The following RALGPS2 variants were observed in gnomAD, a reference collection of about 807,000 sequenced individuals.
RALGPS2 encodes ras-specific guanine nucleotide-releasing factor RalGPS2.
In RALGPS2, 43 loss-of-function variants were observed where a neutral mutation model predicts 86.8. That is an observed-to-expected ratio of 0.50 (90% CI 0.39 to 0.64). The LOEUF (loss-of-function observed/expected upper bound fraction) is 0.64. RALGPS2 is among the 30% of genes least tolerant of loss of function. RALGPS2 has a pLI of 0.00. For synonymous variants in RALGPS2, 243 were observed against 231.3 expected, an observed-to-expected ratio of 1.05 and a Z score of -0.46; for missense variants, 536 against 694.6, an observed-to-expected ratio of 0.77 and a Z score of 2.57.
In RALGPS2 at chr1:178,725,330, G is replaced by T; in HGVS notation, c.-173G>T. 1.2e-5 allele frequency: 2 copies of T among 162,358 alleles called. No homozygotes were observed. The highest frequency in any genetic ancestry group is 3.0e-4 in the South Asian group (2 of 6,608). 10.1% of individuals were successfully genotyped at this position (162,358 alleles called of 1,614,324 possible). On this transcript the variant is annotated 5_prime_UTR_variant, in exon 1 of 20. Transcript: ENST00000367635. ...AGACGGTGACTGTTCGGGTCGACGA[G>T]TGCTACTCTAGGCGGCGGCGGCCGT...
intron 4 of RALGPS2, among the ~76,000 whole-genome samples, chr1:178,798,645 TA>T (rs1254369128): frequency 6.6e-6 from 1 of 151,870 alleles, no homozygotes; most frequent in Non-Finnish European, 1.5e-5. Flanking sequence ...GTTTTTTTTT[TA>T]AAAAGGAAAT....
chr1:178,855,672 C>A (rs911324204), intron 8 of RALGPS2, among the ~76,000 whole-genome samples: 1 of 151,628 alleles, frequency 6.6e-6, no homozygotes, highest in African/African-American at 2.4e-5. Flanking sequence ...TCTTTGCATT[C>A]GTTATAAACA....
rs73039849 is a variant in RALGPS2, at chr1:178,860,545, A to G, written c.608-16953A>G. ...GCCATCACCACCATCCTTCTCCAGAACTCTTCATCTTGCAAAACTGTAACT... is the reference window on the plus strand; with the variant it reads ...GCCATCACCACCATCCTTCTCCAGAGCTCTTCATCTTGCAAAACTGTAACT... On this transcript the variant is annotated intron_variant, in intron 8 of 19. Coordinates refer to ENST00000367635, the MANE Select transcript of RALGPS2 (RefSeq NM_152663.5). Among the ~76,000 whole-genome samples the G allele has an allele frequency of 9.9e-3, 1,503 of 152,168 alleles. 23 individuals are homozygous for G. The highest frequency in any genetic ancestry group is 0.035 in the African/African-American group (1,433 of 41,500).
chr1:178,904,965 A>G (rs1047251639), intron 18 of RALGPS2, among the ~76,000 whole-genome samples: 2 of 152,116 alleles, frequency 1.3e-5, no homozygotes, highest in African/African-American at 4.8e-5. Context: ...CCCAATATTG[A>G]TTCTACCCAT....
In RALGPS2 at chr1:178,877,555, T is replaced by C; in HGVS notation, c.665T>C (p.Ile222Thr). Residue 222 changes from isoleucine (I) to threonine (T), a missense_variant, in exon 9 of 20, where the codon ATT becomes ACT. This residue lies in a region of RALGPS2 where 184 missense variants were observed against 296.7 expected (regional missense o/e 0.62). Coordinates refer to ENST00000367635, the MANE Select transcript of RALGPS2 (RefSeq NM_152663.5). ...TCAGCATACCCATCAACTGGCAGCATTCTAGAAAATGAGCAAAGATCAAAT... is the reference window on the plus strand; with the variant it reads ...TCAGCATACCCATCAACTGGCAGCACTCTAGAAAATGAGCAAAGATCAAAT... Reference protein sequence around the residue: ...IDSAYPSTGSILENEQRSNLM... With the variant: ...IDSAYPSTGSTLENEQRSNLM... 6.2e-7 allele frequency: 1 copy of C among 1,613,604 alleles called. No homozygotes were observed. The highest frequency in any genetic ancestry group is 8.5e-7 in the Non-Finnish European group (1 of 1,179,630).
At chr1:178,907,965 G>C (rs1293579086) in intron 19 of RALGPS2, among the ~76,000 whole-genome samples, 1 of 152,040 alleles carries the variant, frequency 6.6e-6, no homozygotes, top group African/African-American at 2.4e-5. Context: ...GGGTTCAGAG[G>C]GTACTTGTGC....
Position 178,833,523 on chromosome 1 carries a change from A to C in RALGPS2, c.580A>C (p.Lys194Gln). Residue 194 changes from lysine to glutamine, a missense_variant, in exon 8 of 20, where the codon AAG (lysine) becomes CAG (glutamine). By Grantham distance (53) the Lys-to-Gln change is moderately conservative. Transcript: ENST00000367635. ...ACTCAGAGACTATATAAGTAGCTTA[A>C]AGATGACACCTTGCATTCCCTATTT... The part of the protein sequence containing the change: ...KRLRDYISSL[K>Q]MTPCIPYLGI... 1 of 1,531,336 alleles carries C rather than the reference A, an allele frequency of 6.5e-7. No individual in the cohort carries two copies. The highest frequency in any genetic ancestry group is 2.6e-5 in the East Asian group (1 of 38,290). The allele number at this position is 1,531,336 out of a possible 1,614,324, so 94.9% of individuals were successfully genotyped here.
At chr1:178,727,791 G>A (rs1650111262) in intron 1 of RALGPS2, among the ~76,000 whole-genome samples, 1 of 152,136 alleles carries the variant, frequency 6.6e-6, no homozygotes, top group Non-Finnish European at 1.5e-5. Context: ...CTTGGTGCCA[G>A]TTAGTTCCCT....
intron 1 of RALGPS2, among the ~76,000 whole-genome samples, chr1:178,760,979 CTTT>C (rs200598214): frequency 7.2e-6 from 1 of 138,078 alleles, no homozygotes; most frequent in Admixed American, 7.3e-5. Flanking sequence ...AGACTTTATT[CTTT>C]TTTTTTTTTT....
intron 1 of RALGPS2, among the ~76,000 whole-genome samples, chr1:178,775,833 A>G (rs1291402042): frequency 6.6e-6 from 1 of 152,022 alleles, no homozygotes; most frequent in Non-Finnish European, 1.5e-5. Context: ...ACAAATAAAC[A>G]TAGTGTATAT....
At chr1:178,830,855 A>C (rs1359139618) in intron 7 of RALGPS2, among the ~76,000 whole-genome samples, 3 of 152,178 alleles carry the variant, frequency 2.0e-5, no homozygotes, top group Non-Finnish European at 4.4e-5. Flanking sequence ...TCCAACTAGA[A>C]TGTGTCCAAC....
intron 8 of RALGPS2, chr1:178,853,200 G>C: frequency 1.0e-6 from 1 of 985,262 alleles, no homozygotes; most frequent in African/African-American, 1.7e-5. Context: ...CTACAAATAA[G>C]ACAATGCAAA....
chr1:178,817,875 G>A (rs760471120), intron 6 of RALGPS2, among the ~76,000 whole-genome samples: 7 of 151,992 alleles, frequency 4.6e-5, no homozygotes, highest in African/African-American at 1.4e-4. Flanking sequence ...ATGTTTTTCC[G>A]GCTCATTTTC....
In RALGPS2 at chr1:178,864,277, GT is replaced by G. The variant is rs899171238; in HGVS notation, c.608-13212del. Among the ~76,000 whole-genome samples, 416 of 151,548 alleles carry G rather than the reference GT, an allele frequency of 2.7e-3. 3 individuals are homozygous for G. The highest frequency in any genetic ancestry group is 9.6e-3 in the African/African-American group (395 of 41,320). On this transcript the variant is annotated intron_variant, in intron 8 of 19. Coordinates refer to ENST00000367635, the MANE Select transcript of RALGPS2 (RefSeq NM_152663.5). ...GGAATCATGCATGATCAATGCAATA[GT>G]TTTTTTTTATAATAATGAACATTTA...
chr1:178,892,381 T>A lies in RALGPS2; in HGVS notation c.1325+74T>A. ...GTGATTGGCTTACATGGGTGTGGTC[T>A]GACGTTATTTCTTTTCTTTCTCAAC... On this transcript the variant is annotated intron_variant, in intron 15 of 19. Transcript: ENST00000367635. 5 of 1,226,940 alleles carry A rather than the reference T, an allele frequency of 4.1e-6. No homozygotes were observed. The Admixed American group carries it at 9.8e-5, about 24-fold the overall frequency. The allele number at this position is 1,226,940 out of a possible 1,614,324, so 76.0% of individuals were successfully genotyped here.
chr1:178,832,140 A>T (rs1316382044), intron 7 of RALGPS2, among the ~76,000 whole-genome samples: 2 of 152,216 alleles, frequency 1.3e-5, no homozygotes, highest in Non-Finnish European at 2.9e-5. Context: ...AAACATTTGC[A>T]CCTAATCTTG....
intron 1 of RALGPS2, among the ~76,000 whole-genome samples, chr1:178,768,730 C>T (rs77754230): frequency 0.028 from 4,191 of 152,232 alleles, 136 homozygotes; most frequent in East Asian, 0.1. Context: ...TACGGGTCCC[C>T]CAGTGGCAGG....
chr1:178,727,579 T>C (rs1247754028), intron 1 of RALGPS2, among the ~76,000 whole-genome samples: 1 of 152,186 alleles, frequency 6.6e-6, no homozygotes, highest in Admixed American at 6.5e-5. Flanking sequence ...ACTGAAAAAC[T>C]GGCTTTGTGA....
chr1:178,822,599 T>C (rs985390272), intron 7 of RALGPS2, among the ~76,000 whole-genome samples: 3 of 152,074 alleles, frequency 2.0e-5, no homozygotes, highest in Admixed American at 1.3e-4. Context: ...CCAGTGTAGA[T>C]TTCTATATTG....
Sources: allele counts gnomAD v4.1 joint callset (sites outside exome capture counted in the v4.1 genomes callset), GRCh38; gene constraint gnomAD v4.1.1; regional missense constraint gnomAD v4.1.1; transcripts MANE v1.5; gene names NCBI Gene and HGNC (gene_info 2026-07-23, HGNC 2026-07-21).